Variants in ACACA observed in about 807,000 individuals in gnomAD.
The protein encoded by ACACA is acetyl-CoA carboxylase alpha, also known as acetyl-CoA carboxylase 1.
Under a neutral mutation model 296.1 loss-of-function variants are expected in ACACA, and 103 were observed. That is an observed-to-expected ratio of 0.35 (90% CI 0.30 to 0.41). The LOEUF (loss-of-function observed/expected upper bound fraction) is 0.41, where lower values mean the gene tolerates loss of function less well. Ranked by LOEUF, ACACA falls within the 10% of genes least tolerant of loss-of-function variation. ACACA has a pLI of 1.00. For synonymous variants in ACACA, 953 were observed against 1,038.6 expected (o/e 0.92, Z 1.58); for missense variants, 1,554 against 2,989.7 (o/e 0.52, Z 11.20).
intron 29 of ACACA, among the ~76,000 whole-genome samples, chr17:37,218,657 A>C (rs1164286745): frequency 6.6e-6 from 1 of 152,316 alleles, no homozygotes. Flanking sequence ...CCCTCAGATA[A>C]TTTTGAGAAT....
intron 3 of ACACA, among the ~76,000 whole-genome samples, chr17:37,292,859 G>A (rs534508741): frequency 6.6e-6 from 1 of 152,188 alleles, no homozygotes; most frequent in East Asian, 1.9e-4. Flanking sequence ...GCAAGACTTA[G>A]TCTCAAAAAA....
intron 38 of ACACA, among the ~76,000 whole-genome samples, chr17:37,190,702 A>C (rs2077717584): frequency 6.6e-6 from 1 of 152,234 alleles, no homozygotes; most frequent in South Asian, 2.1e-4. Context: ...TAAGGCCACC[A>C]GGTGATTAAC....
intron 1 of ACACA, among the ~76,000 whole-genome samples, chr17:37,390,175 T>TATATATACACACACACAC (rs60788220): frequency 2.2e-5 from 1 of 44,512 alleles, no homozygotes; most frequent in African/African-American, 1.2e-4. Context: ...TATATATATA[T>TATATATACACACACACAC]ACACACACAC....
chr17:37,212,752 A>G (rs1352140436), intron 29 of ACACA, among the ~76,000 whole-genome samples: 1 of 151,992 alleles, frequency 6.6e-6, no homozygotes, highest in Admixed American at 6.6e-5. Flanking sequence ...CAGCCTCCCA[A>G]AGTGCTAGGA....
Position 37,246,959 on chromosome 17 carries a change from C to G in ACACA, c.2327G>C (p.Gly776Ala). Residue 776 changes from glycine (G) to alanine (A), a missense_variant, in exon 19 of 56, where the codon GGC (glycine) becomes GCC (alanine). Around this residue, in one of 16 missense-constraint regions of ACACA, gnomAD observed 316 missense variants for 540.9 expected, o/e 0.58. Coordinates refer to ENST00000616317, the MANE Select transcript of ACACA (RefSeq NM_198834.3). Reference sequence around the variant, plus strand: ...CTTCTCAAACACACAGGTTTTATTGCCAATTGTGATGCGATATCTAGGAGA... The same window carrying G: ...CTTCTCAAACACACAGGTTTTATTGGCAATTGTGATGCGATATCTAGGAGA... The part of the protein sequence containing the change: ...EEVDRYRITI[G>A]NKTCVFEKEN... 1 of 1,613,968 alleles carries G rather than the reference C, an allele frequency of 6.2e-7. No homozygotes were observed. Among genetic ancestry groups the G allele is most frequent in the Non-Finnish European group, 8.5e-7 (1 of 1,179,996 alleles).
At chr17:37,290,057 T>G (rs923882218) in intron 3 of ACACA, among the ~76,000 whole-genome samples, 2 of 148,056 alleles carry the variant, frequency 1.4e-5, no homozygotes, top group Admixed American at 6.8e-5. Context: ...CATCTTTGGG[T>G]TTTTTTTTTA....
At chr17:37,181,171 C>G (rs773731825) in intron 40 of ACACA, 30 bp downstream of exon 40, 7 of 1,613,498 alleles carry the variant, frequency 4.3e-6, no homozygotes, top group Non-Finnish European at 5.9e-6. Flanking sequence ...CTCCTTAGAA[C>G]ATGTCAGACC....
intron 33 of ACACA, among the ~76,000 whole-genome samples, chr17:37,204,451 G>A (rs1396079972): frequency 6.6e-6 from 1 of 152,154 alleles, no homozygotes; most frequent in African/African-American, 2.4e-5. Flanking sequence ...TTTTGCCCAT[G>A]TGTACAACTG....
At chr17:37,340,104 T>C (rs1369837665) in intron 1 of ACACA, among the ~76,000 whole-genome samples, 1 of 152,218 alleles carries the variant, frequency 6.6e-6, no homozygotes, top group Non-Finnish European at 1.5e-5. Context: ...TTTCACAAGG[T>C]GGCTTTTCCA....
At position 37,380,885 on chromosome 17, in the gene ACACA, C is replaced by T. The variant is rs561702590; in HGVS notation, c.38+25377G>A. Reference sequence around the variant, plus strand: ...TGCTGGGATTACAGGCGTGAGCCACCGTGCCTGGCCAGGTTTTTTTTTTTT... The same window carrying T: ...TGCTGGGATTACAGGCGTGAGCCACTGTGCCTGGCCAGGTTTTTTTTTTTT... On this transcript the variant is annotated intron_variant, in intron 1 of 55. Transcript: ENST00000616317. 1.5e-4 allele frequency among the ~76,000 whole-genome samples: 23 copies of T among 149,614 alleles called. No homozygotes were observed. In the South Asian group the frequency reaches 2.9e-3, roughly 19 times the overall value.
At chr17:37,174,727 T>G (rs1223108316) in intron 41 of ACACA, among the ~76,000 whole-genome samples, 1 of 151,596 alleles carries the variant, frequency 6.6e-6, no homozygotes, top group African/African-American at 2.4e-5. Flanking sequence ...GAGACAGGGT[T>G]TCACCATGTG....
At chr17:37,126,375 A>G (rs2074786903) in intron 47 of ACACA, among the ~76,000 whole-genome samples, 1 of 152,250 alleles carries the variant, frequency 6.6e-6, no homozygotes, top group African/African-American at 2.4e-5. Context: ...TCTACAAAAA[A>G]GGGCCACATA....
In ACACA at chr17:37,390,260, TA is replaced by T. The variant is rs1407123997; in HGVS notation, c.38+16001del. On this transcript the variant is annotated intron_variant, in intron 1 of 55. Coordinates refer to ENST00000616317, the MANE Select transcript of ACACA (RefSeq NM_198834.3). The stretch of plus-strand genomic sequence containing the variant: ...TAATATATTATATATATATTATATA[TA>T]ATTATATATAATATATTATATATAA... Among the ~76,000 whole-genome samples the T allele has an allele frequency of 2.9e-4, 20 of 68,334 alleles. 1 individual carries two copies. In the South Asian group the frequency reaches 5.2e-3, roughly 18 times the overall value. 44.8% of individuals were successfully genotyped at this position (68,334 alleles called of 152,430 possible).
At chr17:37,222,992 C>A (rs1028846352) in intron 28 of ACACA, among the ~76,000 whole-genome samples, 3 of 152,294 alleles carry the variant, frequency 2.0e-5, no homozygotes, top group African/African-American at 4.8e-5. Flanking sequence ...GTCTCACTTT[C>A]TTCTTACTTC....
chr17:37,123,407 A>C (rs536419509), intron 48 of ACACA, among the ~76,000 whole-genome samples: 1 of 152,190 alleles, frequency 6.6e-6, no homozygotes, highest in Non-Finnish European at 1.5e-5. Flanking sequence ...TGACTTCCCA[A>C]TTTGGTCCTC....
At chr17:37,258,469 C>A (rs967719244) in intron 12 of ACACA, 96 bp from the exon 13 acceptor site, 8 of 1,198,370 alleles carry the variant, frequency 6.7e-6, no homozygotes, top group Non-Finnish European at 9.7e-6. Context: ...ATTTTTGGAG[C>A]CACTCCCTAA....
At chr17:37,296,840 C>G (rs374418349) in intron 3 of ACACA, among the ~76,000 whole-genome samples, 1 of 151,734 alleles carries the variant, frequency 6.6e-6, no homozygotes, top group African/African-American at 2.4e-5. Context: ...CCTCAACCAC[C>G]TGAGTAGCTG....
chr17:37,377,582 C>A (rs1299370591), intron 1 of ACACA, among the ~76,000 whole-genome samples: 2 of 151,950 alleles, frequency 1.3e-5, no homozygotes, highest in African/African-American at 4.8e-5. Flanking sequence ...ATCCCTTGAA[C>A]CCAGGAGGTG....
At chr17:37,144,287 C>A in intron 45 of ACACA, 1 of 601,714 alleles carries the variant, frequency 1.7e-6, no homozygotes. Flanking sequence ...ATCTCCTTTG[C>A]CCATGTTTAG....
Sources: gnomAD v4.1 joint callset for allele counts (sites outside exome capture counted in the v4.1 genomes callset) on GRCh38, gnomAD v4.1.1 for gene constraint, gnomAD v4.1.1 regional missense constraint, MANE v1.5 for transcripts, NCBI Gene and HGNC (gene_info 2026-07-23, HGNC 2026-07-21) for gene names.